The following POU2F2 variants were observed in gnomAD, a reference collection of about 807,000 sequenced individuals.
POU2F2 encodes POU domain, class 2, transcription factor 2.
Under a neutral mutation model 63.5 loss-of-function variants are expected in POU2F2, and 14 were observed. That is an observed-to-expected ratio of 0.22 (90% CI 0.15 to 0.34). The LOEUF is 0.34. POU2F2 is among the 10% of genes least tolerant of loss of function. The pLI, the probability that POU2F2 is intolerant of heterozygous loss-of-function variation, is 1.00. For synonymous variants in POU2F2, 306 were observed against 348.6 expected, an observed-to-expected ratio of 0.88 and a Z score of 1.36; for missense variants, 607 against 815.2, an observed-to-expected ratio of 0.74 and a Z score of 3.11.
chr19:42,172,856 G>T (rs757032906), intron 1 of POU2F2, among the ~76,000 whole-genome samples: 1 of 152,242 alleles, frequency 6.6e-6, no homozygotes, highest in African/African-American at 2.4e-5. Flanking sequence ...TCAGGGGGCA[G>T]GGAGGAAGTG....
At chr19:42,160,344 C>T (rs996960105) in exon 2 of POU2F2, 6 of 152,224 alleles carry the variant, frequency 3.9e-5, no homozygotes, top group Non-Finnish European at 7.3e-5. Flanking sequence ...CTTGGGCAGA[C>T]GCAGCGAAGC....
intron 2 of POU2F2, among the ~76,000 whole-genome samples, chr19:42,148,474 C>T (rs1430979083): frequency 1.3e-5 from 2 of 152,134 alleles, no homozygotes; most frequent in Admixed American, 6.5e-5. Flanking sequence ...TCCTCACTCC[C>T]CTCCGCAAAC....
chr19:42,122,135 G>T lies in POU2F2; in HGVS notation c.177C>A (p.Pro59=). The part of the protein sequence containing the change: ...TSPFSVSPTG[P]STKVGILSGL... The stretch of plus-strand genomic sequence containing the variant: ...TCTGACAGGTGCTTACCTTTGTACT[G>T]GGGCCAGTTGGGGACACGGAGAATG... The change falls in exon 4 of 15, where the codon CCC becomes CCA. Residue 59 remains proline, a synonymous_variant. Coordinates refer to ENST00000692977, the MANE Select transcript of POU2F2 (RefSeq NM_001394376.1). 1 of 1,613,160 alleles carries T rather than the reference G, an allele frequency of 6.2e-7. No individual in the cohort carries two copies. Among genetic ancestry groups the T allele is most frequent in the Non-Finnish European group, 8.5e-7 (1 of 1,179,190 alleles).
intron 2 of POU2F2, among the ~76,000 whole-genome samples, chr19:42,145,419 C>T (rs899918830): frequency 2.6e-5 from 4 of 152,188 alleles, no homozygotes; most frequent in African/African-American, 9.7e-5. Context: ...AGGGCCCTGC[C>T]TACAGAAGGT....
rs2030186417 is a variant in POU2F2, at chr19:42,106,982, C to T, written c.370-7161G>A. On this transcript the variant is annotated intron_variant, in intron 5 of 14. Coordinates refer to ENST00000692977, the MANE Select transcript of POU2F2 (RefSeq NM_001394376.1). ...TTGAGGTGGCAGTAAGCTATGATCACACCATGGCACTGCAGCCTAGGCAAC... is the reference window on the plus strand; with the variant it reads ...TTGAGGTGGCAGTAAGCTATGATCATACCATGGCACTGCAGCCTAGGCAAC... Among the ~76,000 whole-genome samples, 3 of 152,140 alleles carry T rather than the reference C, an allele frequency of 2.0e-5. No homozygotes were observed. The South Asian group carries it at 6.2e-4, about 32-fold the overall frequency.
chr19:42,106,003 C>CTTTCTTTCTT (rs1352104521), intron 5 of POU2F2, among the ~76,000 whole-genome samples: 1 of 85,370 alleles, frequency 1.2e-5, no homozygotes, highest in Non-Finnish European at 2.5e-5. Flanking sequence ...TTTCTTTTTT[C>CTTTCTTTCTT]TTTCTTTCTT....
In POU2F2 at chr19:42,096,362, CT is replaced by C; in HGVS notation, c.568-120del. 1 of 1,034,568 alleles carries C rather than the reference CT, an allele frequency of 9.7e-7. No homozygotes were observed. Among genetic ancestry groups the C allele is most frequent in the South Asian group, 1.7e-5 (1 of 60,308 alleles). 64.1% of individuals were successfully genotyped at this position (1,034,568 alleles called of 1,614,324 possible). On this transcript the variant is annotated intron_variant, in intron 7 of 14. Coordinates refer to ENST00000692977, the MANE Select transcript of POU2F2 (RefSeq NM_001394376.1). This position sits in a 1 kb window ranked among gnomAD's most constrained non-coding sequence, Gnocchi z 4.1. ...CTGCGTTCCATCCGCCGCCTGCAGA[CT>C]CCCCCCGCCTTCCTCCACAAGCACC...
At position 42,117,436 on chromosome 19, in the gene POU2F2, T is replaced by A; in HGVS notation, c.187-4A>T. 8.8e-7 allele frequency: 1 copy of A among 1,134,908 alleles called. No homozygotes were observed. Among genetic ancestry groups the A allele is most frequent in the African/African-American group, 1.6e-5 (1 of 62,200 alleles). 70.3% of individuals were successfully genotyped at this position (1,134,908 alleles called of 1,614,324 possible). ...GGAGGCCAGAGAGAATGCCCACCTG[T>A]GAACCAAAGAGAGGGCACGTGTGTG... On this transcript the variant is annotated splice_region_variant and splice_polypyrimidine_tract_variant and intron_variant, in intron 4 of 14. Coordinates refer to ENST00000692977, the MANE Select transcript of POU2F2 (RefSeq NM_001394376.1). This position sits in a 1 kb window ranked among gnomAD's most constrained non-coding sequence, Gnocchi z 4.4.
At chr19:42,166,641 T>C (rs2034656739) in intron 1 of POU2F2, among the ~76,000 whole-genome samples, 1 of 151,536 alleles carries the variant, frequency 6.6e-6, no homozygotes, top group South Asian at 2.1e-4. Context: ...CGTCAGGGGG[T>C]GAGCAGATCT....
intron 5 of POU2F2, chr19:42,110,869 GGGCC>G: frequency 2.7e-6 from 1 of 371,484 alleles, no homozygotes; most frequent in Non-Finnish European, 5.6e-6. Context: ...TTCTCTCCCA[GGGCC>G]TCAGTTTTCT....
At chr19:42,149,599 GA>G (rs1437053663) in intron 2 of POU2F2, among the ~76,000 whole-genome samples, 1 of 152,176 alleles carries the variant, frequency 6.6e-6, no homozygotes, top group Non-Finnish European at 1.5e-5. Flanking sequence ...AGCAATAAAG[GA>G]AAGAGAGTCA....
At chr19:42,167,158 C>G (rs987000024) in intron 1 of POU2F2, among the ~76,000 whole-genome samples, 1 of 152,134 alleles carries the variant, frequency 6.6e-6, no homozygotes, top group African/African-American at 2.4e-5. Flanking sequence ...AAGTGGCTTA[C>G]AAGATGCTGC....
chr19:42,172,964 C>G (rs867685668), intron 1 of POU2F2, among the ~76,000 whole-genome samples: 26 of 152,194 alleles, frequency 1.7e-4, no homozygotes, highest in African/African-American at 6.3e-4. Context: ...TGAGGAGGAC[C>G]TTGGTTCTAG....
chr19:42,124,240 G>C (rs188968876), intron 1 of POU2F2, among the ~76,000 whole-genome samples: 97 of 150,692 alleles, frequency 6.4e-4, no homozygotes, highest in African/African-American at 2.3e-3. Context: ...GGAGGTCAAG[G>C]CTACAGTGAG....
intron 5 of POU2F2, among the ~76,000 whole-genome samples, chr19:42,101,271 A>C (rs2077131403): frequency 6.9e-6 from 1 of 145,374 alleles, no homozygotes; most frequent in Admixed American, 6.9e-5. Flanking sequence ...ACTCCCTGCC[A>C]CCCCCCAAAA....
At position 42,117,266 on chromosome 19, in the gene POU2F2, C is replaced by T. The variant is rs770360240; in HGVS notation, c.353G>A (p.Gly118Asp). The T allele has an allele frequency of 6.7e-7, 1 of 1,482,060 alleles. No individual in the cohort carries two copies. The highest frequency in any genetic ancestry group is 8.9e-7 in the Non-Finnish European group (1 of 1,122,238). 91.8% of individuals were successfully genotyped at this position (1,482,060 alleles called of 1,614,324 possible). Reference protein sequence around the residue: ...HLPQAQLMLTGSQLAGDIQQL... With the variant: ...HLPQAQLMLTDSQLAGDIQQL... Reference sequence around the variant, plus strand: ...AGTACTTACCCCAGCTAGCTGGCTGCCCGTCAACATGAGTTGGGCCTGGGG... The same window carrying T: ...AGTACTTACCCCAGCTAGCTGGCTGTCCGTCAACATGAGTTGGGCCTGGGG... Residue 118 changes from glycine to aspartate, a missense_variant, in exon 5 of 15, where the codon GGC becomes GAC. Gly to Asp is a moderately conservative substitution (Grantham distance 94). Around this residue, in one of 7 missense-constraint regions of POU2F2, gnomAD observed 224 missense variants for 264.3 expected, o/e 0.85. Coordinates refer to ENST00000692977, the MANE Select transcript of POU2F2 (RefSeq NM_001394376.1). The surrounding 1 kb of genome is among the most constrained non-coding windows in gnomAD (Gnocchi z 4.4).
chr19:42,185,072 C>T (rs1402302901), intron 1 of POU2F2, among the ~76,000 whole-genome samples: 1 of 152,180 alleles, frequency 6.6e-6, no homozygotes, highest in Admixed American at 6.5e-5. Context: ...TCCTCATATT[C>T]ACATCCAATC....
chr19:42,092,599 G>A lies in POU2F2; in HGVS notation c.1265-329C>T, dbSNP rs1299157210. 6.6e-6 allele frequency among the ~76,000 whole-genome samples: 1 copy of A among 152,186 alleles called. No individual in the cohort carries two copies. The highest frequency in any genetic ancestry group is 1.5e-5 in the Non-Finnish European group (1 of 68,030). On this transcript the variant is annotated intron_variant, in intron 12 of 14. Coordinates refer to ENST00000692977, the MANE Select transcript of POU2F2 (RefSeq NM_001394376.1). This position sits in a 1 kb window ranked among gnomAD's most constrained non-coding sequence, Gnocchi z 5.0. ...ATGGCTCCCTCTAGGGGCTGGGGAG[G>A]GGCGAAGGGTGCCAGGCACACTGCC... is the stretch of plus-strand genomic sequence containing the variant.
At chr19:42,149,709 AG>A (rs1173610136) in intron 2 of POU2F2, among the ~76,000 whole-genome samples, 1 of 151,944 alleles carries the variant, frequency 6.6e-6, no homozygotes. Context: ...GAAAAGAAAG[AG>A]GGAGGGAGGG....
Sources: gnomAD v4.1 joint callset for allele counts (sites outside exome capture counted in the v4.1 genomes callset) on GRCh38, gnomAD v4.1.1 for gene constraint, gnomAD v4.1.1 regional missense constraint, Gnocchi (gnomAD v3.1) non-coding constraint, MANE v1.5 for transcripts, NCBI Gene and HGNC (gene_info 2026-07-23, HGNC 2026-07-21) for gene names.